The following SGCE variants were observed in gnomAD, a reference collection of about 807,000 sequenced individuals.
SGCE encodes sarcoglycan epsilon, also known as epsilon-sarcoglycan.
SGCE carries 26 observed loss-of-function variants against 57.8 expected under a neutral mutation model. The observed-to-expected ratio is 0.45, with a 90% CI of 0.33 to 0.62. SGCE has a LOEUF of 0.62. Ranked by LOEUF, SGCE falls within the 20% of genes least tolerant of loss-of-function variation. SGCE has a pLI of 0.02. For missense variants in SGCE, 468 were observed against 548.6 expected (o/e 0.85, Z 1.47); for synonymous variants, 183 against 189.5 (o/e 0.97, Z 0.28).
rs896139366 is a variant in SGCE at position 94,619,016 on chromosome 7, CAAAA to C, written c.464-64_464-61del. 2.7e-5 allele frequency: 33 copies of C among 1,221,072 alleles called. 1 individual carries two copies. The highest frequency in any genetic ancestry group is 6.1e-5 in the South Asian group (5 of 82,620). 75.6% of individuals were successfully genotyped at this position (1,221,072 alleles called of 1,614,324 possible). On this transcript the variant is annotated intron_variant, in intron 4 of 10. Coordinates refer to ENST00000648936, the MANE Select transcript of SGCE (RefSeq NM_003919.3). ...ATGAAGTAGTCTTTTAAAAAGGAAA[CAAAA>C]GAACAATTTGCGATTTGTTGAGTTC...
chr7:94,634,621 A>G (rs1313221259), intron 1 of SGCE, among the ~76,000 whole-genome samples: 2 of 152,184 alleles, frequency 1.3e-5, no homozygotes, highest in Non-Finnish European at 2.9e-5. Flanking sequence ...CATTGAAGTA[A>G]AAACAAATGC....
intron 5 of SGCE, among the ~76,000 whole-genome samples, chr7:94,604,206 T>C (rs1455365000): frequency 6.6e-6 from 1 of 152,068 alleles, no homozygotes; most frequent in African/African-American, 2.4e-5. Flanking sequence ...CTTGAGAAGA[T>C]AGGAATCTCA....
In SGCE at chr7:94,600,784, T is replaced by C; in HGVS notation, c.899A>G (p.Glu300Gly). ...CAAAGAATCAGAAGGGGGTTTGTAT[T>C]CTCCACCATCAGGTAAAATCCCCTC... Reference protein sequence around the residue: ...RGEGILPDGGEYKPPSDSLKS... With the variant: ...RGEGILPDGGGYKPPSDSLKS... The change falls in exon 7 of 11, where the codon GAA (glutamate) becomes GGA (glycine). Residue 300 changes from glutamate (E) to glycine (G), a missense_variant. Physicochemically the swap from Glu to Gly is moderately conservative, Grantham distance 98 (BLOSUM62 -2). Coordinates refer to ENST00000648936, the MANE Select transcript of SGCE (RefSeq NM_003919.3). The C allele has an allele frequency of 1.9e-6, 3 of 1,613,572 alleles. No homozygotes were observed. The highest frequency in any genetic ancestry group is 2.5e-6 in the Non-Finnish European group (3 of 1,179,836).
Position 94,643,832 on chromosome 7 carries a change from A to G in SGCE, c.109+12158T>C, listed in dbSNP as rs1806709944. 2.0e-5 allele frequency among the ~76,000 whole-genome samples: 3 copies of G among 152,224 alleles called. No individual in the cohort carries two copies. In the South Asian group the frequency reaches 6.2e-4, roughly 31 times the overall value. On this transcript the variant is annotated intron_variant, in intron 1 of 10. Coordinates refer to ENST00000648936, the MANE Select transcript of SGCE (RefSeq NM_003919.3). ...GTTTAATTTTCATTAGAAAAGGACC[A>G]ATGCATTTTTTTATGTGAGAATGGA...
chr7:94,598,667 C>G, intron 9 of SGCE, 108 bp downstream of exon 9: 2 of 836,298 alleles, frequency 2.4e-6, no homozygotes, highest in Non-Finnish European at 4.2e-6. Flanking sequence ...GTTATTTTCT[C>G]TTCCAGTTAT....
Position 94,614,258 on chromosome 7 carries a change from G to A in SGCE, c.662+4500C>T, listed in dbSNP as rs922109795. On this transcript the variant is annotated intron_variant, in intron 5 of 10. Transcript: ENST00000648936. ...ATGTGTTCATGTTCCTCTTGTTCAT[G>A]TATCCTCTGGCAGGGGAAAATGGAT... 6.6e-5 allele frequency among the ~76,000 whole-genome samples: 10 copies of A among 152,042 alleles called. 1 individual carries two copies. Among genetic ancestry groups the A allele is most frequent in the Admixed American group, 5.9e-4 (9 of 15,256 alleles).
intron 1 of SGCE, among the ~76,000 whole-genome samples, chr7:94,635,465 AC>A (rs1284598316): frequency 2.6e-5 from 4 of 152,206 alleles, no homozygotes; most frequent in African/African-American, 9.6e-5. Flanking sequence ...TTAAGTACTG[AC>A]AAAAAATAAT....
At chr7:94,651,966 C>T (rs1584787409) in intron 1 of SGCE, among the ~76,000 whole-genome samples, 1 of 151,314 alleles carries the variant, frequency 6.6e-6, no homozygotes. Flanking sequence ...CGTACTGCTA[C>T]TTTAGGCTTA....
intron 1 of SGCE, among the ~76,000 whole-genome samples, chr7:94,633,086 T>C (rs1433816063): frequency 1.3e-5 from 2 of 152,066 alleles, no homozygotes; most frequent in Non-Finnish European, 2.9e-5. Context: ...GCCATGCTAA[T>C]CAAGCCAAGG....
intron 1 of SGCE, among the ~76,000 whole-genome samples, chr7:94,650,108 T>C (rs1807673711): frequency 6.6e-6 from 1 of 152,196 alleles, no homozygotes; most frequent in Non-Finnish European, 1.5e-5. Context: ...ACACTAAGAA[T>C]GTGCCCTTCA....
intron 1 of SGCE, among the ~76,000 whole-genome samples, chr7:94,645,497 T>C (rs777176969): frequency 2.0e-5 from 3 of 151,952 alleles, no homozygotes; most frequent in Non-Finnish European, 2.9e-5. Context: ...GAAAAGATAA[T>C]CCTAAAAGAA....
intron 10 of SGCE, chr7:94,587,480 C>A: frequency 7.9e-7 from 1 of 1,259,136 alleles, no homozygotes; most frequent in Non-Finnish European, 9.9e-7. Context: ...GAAGTTCTAT[C>A]ATTTCTATCG....
At position 94,585,397 on chromosome 7, in the gene SGCE, A is replaced by T; in HGVS notation, c.*102T>A. On this transcript the variant is annotated 3_prime_UTR_variant, in exon 11 of 11. Coordinates refer to ENST00000648936, the MANE Select transcript of SGCE (RefSeq NM_003919.3). ...ACTTAATACTGCCAACATGCATAAC[A>T]TATGCCAGAAAAGCTCATGCATTAT... 1 of 1,018,446 alleles carries T rather than the reference A, an allele frequency of 9.8e-7. No homozygotes were observed. 63.1% of individuals were successfully genotyped at this position (1,018,446 alleles called of 1,614,324 possible).
intron 1 of SGCE, chr7:94,644,788 A>C (rs1215760734): frequency 4.2e-6 from 1 of 238,318 alleles, no homozygotes; most frequent in Non-Finnish European, 8.6e-6. Flanking sequence ...GACCCTCTAC[A>C]TTTTTCTCTT....
intron 6 of SGCE, 62 bp from the exon 7 acceptor site, chr7:94,600,919 G>C: frequency 7.5e-7 from 1 of 1,330,466 alleles, no homozygotes; most frequent in Non-Finnish European, 1.1e-6. Context: ...GAGATTTTAA[G>C]ATCTGGATAC....
intron 1 of SGCE, among the ~76,000 whole-genome samples, chr7:94,637,624 A>G (rs998686875): frequency 1.3e-5 from 2 of 152,172 alleles, no homozygotes; most frequent in African/African-American, 2.4e-5. Context: ...CTTGAAATGC[A>G]TTTCCCTGAG....
intron 10 of SGCE, chr7:94,587,727 C>A: frequency 6.5e-7 from 1 of 1,533,340 alleles, no homozygotes; most frequent in Non-Finnish European, 8.8e-7. Flanking sequence ...GGGAAAAATT[C>A]TGATAAACAT....
intron 1 of SGCE, among the ~76,000 whole-genome samples, chr7:94,640,133 A>G (rs1440490436): frequency 6.6e-6 from 1 of 152,190 alleles, no homozygotes; most frequent in Non-Finnish European, 1.5e-5. Flanking sequence ...TAGAATAGCA[A>G]TACTTTAGGA....
rs113918214 is a variant in SGCE at position 94,634,899 on chromosome 7, G to A, written c.110-5058C>T. 8.6e-3 allele frequency among the ~76,000 whole-genome samples: 1,304 copies of A among 152,222 alleles called. 26 individuals carry two copies. Among genetic ancestry groups the A allele is most frequent in the African/African-American group, 0.03 (1,241 of 41,540 alleles). ...AATTCAACCCATATATTACATAACTGTGAACTGTCAAATAAAAAATGGATT... is the reference window on the plus strand; with the variant it reads ...AATTCAACCCATATATTACATAACTATGAACTGTCAAATAAAAAATGGATT... On this transcript the variant is annotated intron_variant, in intron 1 of 10. Coordinates refer to ENST00000648936, the MANE Select transcript of SGCE (RefSeq NM_003919.3).
Sources: allele counts gnomAD v4.1 joint callset (sites outside exome capture counted in the v4.1 genomes callset), GRCh38; gene constraint gnomAD v4.1.1; transcripts MANE v1.5; gene names NCBI Gene and HGNC (gene_info 2026-07-23, HGNC 2026-07-21).